SLC71A2: variants seen among roughly 807,000 people sequenced by gnomAD.
SLC71A2 encodes the protein solute carrier family 71 member 2, also known as hippocampus abundant transcript-like 1.
the SLC71A2 span, among the ~76,000 whole-genome samples, chr9:94,451,064 G>A: frequency 6.6e-6 from 1 of 152,142 alleles, no homozygotes; most frequent in African/African-American, 2.4e-5. Context: ...TGATTTTAAT[G>A]TGCAGGCAAA....
the SLC71A2 span, among the ~76,000 whole-genome samples, chr9:94,381,164 G>C: frequency 7.5e-6 from 1 of 133,394 alleles, no homozygotes; most frequent in African/African-American, 2.9e-5. Context: ...AGCCTCCCAA[G>C]TAGTTGGGAT....
chr9:94,452,275 GAAGA>G, the SLC71A2 span, among the ~76,000 whole-genome samples: 1 of 152,162 alleles, frequency 6.6e-6, no homozygotes, highest in African/African-American at 2.4e-5. Context: ...TCCCAGGACT[GAAGA>G]AATATGAATC....
the SLC71A2 span, among the ~76,000 whole-genome samples, chr9:94,446,348 G>C: frequency 6.6e-6 from 1 of 152,314 alleles, no homozygotes; most frequent in African/African-American, 2.4e-5. Context: ...CTTATGGCTG[G>C]AGCGTACTTA....
At chr9:94,400,874 C>G in the SLC71A2 span, among the ~76,000 whole-genome samples, 2 of 152,110 alleles carry the variant, frequency 1.3e-5, no homozygotes, top group South Asian at 2.1e-4. Context: ...TCCATTTAAC[C>G]CTACCCTCCA....
At chr9:94,400,581 A>AAG in the SLC71A2 span, among the ~76,000 whole-genome samples, 1 of 149,180 alleles carries the variant, frequency 6.7e-6, no homozygotes, top group Non-Finnish European at 1.5e-5. Flanking sequence ...AAAAAAAAAA[A>AAG]GACTCCACTA....
the SLC71A2 span, among the ~76,000 whole-genome samples, chr9:94,448,654 CAA>C: frequency 6.6e-6 from 1 of 152,142 alleles, no homozygotes; most frequent in Non-Finnish European, 1.5e-5. Flanking sequence ...TTATTGGAGA[CAA>C]GAGTCTTGCT....
chr9:94,389,282 T>C, the SLC71A2 span, among the ~76,000 whole-genome samples: 4 of 151,706 alleles, frequency 2.6e-5, no homozygotes, highest in Non-Finnish European at 4.4e-5. Flanking sequence ...TTTTTTTTTT[T>C]TGAGACAGAG....
the SLC71A2 span, among the ~76,000 whole-genome samples, chr9:94,437,475 C>G: frequency 6.6e-6 from 1 of 152,248 alleles, no homozygotes; most frequent in South Asian, 2.1e-4. Context: ...GTGGTGTTAT[C>G]TATGTCAGAC....
At chr9:94,440,997 G>C in the SLC71A2 span, 1 of 1,607,608 alleles carries the variant, frequency 6.2e-7, no homozygotes, top group Non-Finnish European at 8.5e-7. Flanking sequence ...GGTATTTTGC[G>C]ATGATTTCTG....
At chr9:94,401,554 T>A in the SLC71A2 span, among the ~76,000 whole-genome samples, 3 of 151,982 alleles carry the variant, frequency 2.0e-5, no homozygotes, top group Non-Finnish European at 1.5e-5. Context: ...CCTCCCCCTT[T>A]TTCTTGTTGA....
the SLC71A2 span, among the ~76,000 whole-genome samples, chr9:94,418,323 G>T: frequency 6.6e-6 from 1 of 152,066 alleles, no homozygotes; most frequent in East Asian, 1.9e-4. Flanking sequence ...TAAATTGTCT[G>T]TGTTGTCACT....
At chr9:94,418,104 G>A in the SLC71A2 span, among the ~76,000 whole-genome samples, 160 of 152,136 alleles carry the variant, frequency 1.1e-3, no homozygotes, top group African/African-American at 3.5e-3. Context: ...CTCCTGATCC[G>A]CCCGCCTCGG....
At chr9:94,442,415 T>G in the SLC71A2 span, among the ~76,000 whole-genome samples, 1 of 152,142 alleles carries the variant, frequency 6.6e-6, no homozygotes, top group Non-Finnish European at 1.5e-5. Flanking sequence ...TCTCCTTGCT[T>G]CTTCCCTCCA....
At chr9:94,441,149 T>C in the SLC71A2 span, 3 of 1,036,982 alleles carry the variant, frequency 2.9e-6, no homozygotes, top group Non-Finnish European at 4.2e-6. Context: ...TAATTAACAT[T>C]GTATTAGAAA....
At chr9:94,456,353 C>G in the SLC71A2 span, 5 of 1,603,368 alleles carry the variant, frequency 3.1e-6, no homozygotes, top group African/African-American at 6.7e-5. Context: ...GTCACTGCCC[C>G]CCACTTGTTT....
the SLC71A2 span, among the ~76,000 whole-genome samples, chr9:94,449,907 G>A: frequency 3.3e-5 from 5 of 152,182 alleles, no homozygotes; most frequent in African/African-American, 1.2e-4. Flanking sequence ...GTACAGATAC[G>A]TGCTACAACA....
chr9:94,399,377 G>A, the SLC71A2 span, among the ~76,000 whole-genome samples: 1 of 151,922 alleles, frequency 6.6e-6, no homozygotes, highest in Non-Finnish European at 1.5e-5. Flanking sequence ...GAGTTTCTAG[G>A]GTGTAGTTTC....
At chr9:94,431,300 G>A in the SLC71A2 span, among the ~76,000 whole-genome samples, 7 of 147,908 alleles carry the variant, frequency 4.7e-5, no homozygotes, top group Admixed American at 2.7e-4. Context: ...GCGACGGAGC[G>A]AGACTCCGTC....
the SLC71A2 span, among the ~76,000 whole-genome samples, chr9:94,399,267 G>A: frequency 6.6e-6 from 1 of 151,932 alleles, no homozygotes; most frequent in Non-Finnish European, 1.5e-5. Context: ...TCCCACTCTA[G>A]TCCCAGAATT....
Sources: allele counts gnomAD v4.1 joint callset (sites outside exome capture counted in the v4.1 genomes callset), GRCh38; gene constraint gnomAD v4.1.1; transcripts MANE v1.5; gene names NCBI Gene and HGNC (gene_info 2026-07-23, HGNC 2026-07-21).